The following ABLIM2 variants were observed in gnomAD, a reference collection of about 807,000 sequenced individuals.
ABLIM2 encodes the protein actin binding LIM protein family member 2, also known as actin-binding LIM protein 2.
A neutral mutation model predicts 97.7 loss-of-function variants in ABLIM2; 53 were observed. The ratio of observed to expected loss-of-function variants is 0.54; its 90% CI spans 0.44 to 0.68. The LOEUF (loss-of-function observed/expected upper bound fraction) is 0.68, where lower values mean the gene tolerates loss of function less well. ABLIM2 is among the 30% of genes least tolerant of loss of function. The pLI, the probability that ABLIM2 is intolerant of heterozygous loss-of-function variation, is 0.00. For missense variants in ABLIM2, 835 were observed against 867.2 expected (o/e 0.96, Z 0.47); for synonymous variants, 361 against 345.8 (o/e 1.04, Z -0.49).
rs1578370143 is a variant in ABLIM2, at chr4:8,003,534, G to A, written c.1618+4525C>T. On this transcript the variant is annotated intron_variant, in intron 16 of 20. Transcript: ENST00000447017. This position sits in a 1 kb window ranked among gnomAD's most constrained non-coding sequence, Gnocchi z 4.2. ...CTGGCAGCTCCCACCCACTGTCTCT[G>A]GACCACTACGCTCTTCTTCCAGTTT... Among the ~76,000 whole-genome samples the A allele has an allele frequency of 2.0e-5, 3 of 150,924 alleles. No homozygotes were observed. In the South Asian group the frequency reaches 6.4e-4, roughly 32 times the overall value.
At position 8,061,088 on chromosome 4, in the gene ABLIM2, T is replaced by G; in HGVS notation, c.676-34A>C. 1 of 1,554,214 alleles carries G rather than the reference T, an allele frequency of 6.4e-7. No homozygotes were observed. ...AAAGCACAAAGCAGAATGTTTCTAC[T>G]AAAGCCAGAAAGGTCGGCTGGGTCC... On this transcript the variant is annotated intron_variant, in intron 6 of 20. Transcript: ENST00000447017. This position sits in a 1 kb window ranked among gnomAD's most constrained non-coding sequence, Gnocchi z 4.5.
intron 6 of ABLIM2, among the ~76,000 whole-genome samples, chr4:8,070,418 G>A (rs753310927): frequency 6.6e-6 from 1 of 152,018 alleles, no homozygotes; most frequent in Non-Finnish European, 1.5e-5. Context: ...TGATAAACAG[G>A]TATTCCTTTT....
In ABLIM2 at chr4:8,132,648, T is replaced by G. The variant is rs117079583; in HGVS notation, c.11-26011A>C. 1.7e-4 allele frequency among the ~76,000 whole-genome samples: 26 copies of G among 152,276 alleles called. No individual in the cohort carries two copies. In the South Asian group the frequency reaches 3.7e-3, roughly 22 times the overall value. On this transcript the variant is annotated intron_variant, in intron 1 of 20. Coordinates refer to ENST00000447017, the MANE Select transcript of ABLIM2 (RefSeq NM_001130083.2). The surrounding 1 kb of genome is among the most constrained non-coding windows in gnomAD (Gnocchi z 8.0). The stretch of plus-strand genomic sequence containing the variant: ...TGCTCCCCAGCAATGCTGCACATCA[T>G]GAAGCACGGCCCCTACCCCGCTGTC...
rs977466671 is a variant in ABLIM2 at position 8,043,540 on chromosome 4, A to T, written c.900+1624T>A. On this transcript the variant is annotated intron_variant, in intron 9 of 20. Transcript: ENST00000447017. This position sits in a 1 kb window ranked among gnomAD's most constrained non-coding sequence, Gnocchi z 4.8. ...AGTTAAAACAAGACCGTTAGGGTGG[A>T]TCCAATCCAATCTGCCTGGTGTCCT... 5.3e-5 allele frequency among the ~76,000 whole-genome samples: 8 copies of T among 152,052 alleles called. No individual in the cohort carries two copies. Among genetic ancestry groups the T allele is most frequent in the Admixed American group, 2.6e-4 (4 of 15,264 alleles).
chr4:8,022,553 T>TC lies in ABLIM2; in HGVS notation c.1268-2251dup, dbSNP rs1774486226. 1 of 152,440 alleles carries TC rather than the reference T, an allele frequency of 6.6e-6. No individual in the cohort carries two copies. The highest frequency in any genetic ancestry group is 1.5e-5 in the Non-Finnish European group (1 of 68,224). The allele number at this position is 152,440 out of a possible 1,614,324, so 9.4% of individuals were successfully genotyped here. A position where few individuals can be genotyped will look rare whatever the true frequency, so the allele number is the denominator to read the frequency against. On this transcript the variant is annotated intron_variant, in intron 12 of 20. Transcript: ENST00000447017. This position sits in a 1 kb window ranked among gnomAD's most constrained non-coding sequence, Gnocchi z 7.8. The stretch of plus-strand genomic sequence containing the variant: ...ACCAGCCCGAGTCCTGCCACCTCGG[T>TC]CCCTCCCTCCCAGCACCCCGCCCCT...
rs754413416 is a variant in ABLIM2, at chr4:8,083,581, C to T, written c.455-2779G>A. On this transcript the variant is annotated intron_variant, in intron 4 of 20. Transcript: ENST00000447017. This position sits in a 1 kb window ranked among gnomAD's most constrained non-coding sequence, Gnocchi z 4.6. ...CCCTCATTCTCCTATCAGCAGTACA[C>T]GTGGAGATGAGAGCAAGGTGCAAAA... 6.6e-6 allele frequency among the ~76,000 whole-genome samples: 1 copy of T among 152,234 alleles called. No individual in the cohort carries two copies. The highest frequency in any genetic ancestry group is 1.5e-5 in the Non-Finnish European group (1 of 68,044).
chr4:7,987,802 G>T (rs1295645426), intron 17 of ABLIM2, among the ~76,000 whole-genome samples: 1 of 152,172 alleles, frequency 6.6e-6, no homozygotes, highest in Non-Finnish European at 1.5e-5. Context: ...TTCCGGTCTT[G>T]TAAGTGCGAA....
At chr4:7,978,959 TACTGGATTTGCAGCCTCATCTGCGCACTC>T (rs1355999146) in intron 20 of ABLIM2, among the ~76,000 whole-genome samples, 3 of 152,138 alleles carry the variant, frequency 2.0e-5, no homozygotes, top group African/African-American at 2.4e-5. Context: ...AGGCGGGCCG[TACTGGATTTGCAGCCTCATCTGCGCACTC>T]ACTGGATTCA....
rs1723397802 is a variant in ABLIM2 at position 7,967,063 on chromosome 4, A to G, written c.1865T>C (p.Met622Thr). Reference sequence around the variant, plus strand: ...CAGGCGGTCAAACTCCTCGATGCTCATCCCAAACACTTCCTGGAACTCCTC... The same window carrying G: ...CAGGCGGTCAAACTCCTCGATGCTCGTCCCAAACACTTCCTGGAACTCCTC... ...SPEEFQEVFGMSIEEFDRLAL... is the reference protein window; with the variant it reads ...SPEEFQEVFGTSIEEFDRLAL... The change falls in exon 21 of 21, where the codon ATG becomes ACG. Residue 622 changes from methionine (M) to threonine (T), a missense_variant. Physicochemically the swap from Met to Thr is moderately conservative, Grantham distance 81 (BLOSUM62 -1). Transcript: ENST00000447017. 6.2e-7 allele frequency: 1 copy of G among 1,613,732 alleles called. No individual in the cohort carries two copies. Among genetic ancestry groups the G allele is most frequent in the African/African-American group, 1.3e-5 (1 of 74,936 alleles).
Position 8,077,603 on chromosome 4 carries a change from CAGGGGCCCGGCCCGCCGCG to C in ABLIM2, c.675+6_675+24del. On this transcript the variant is annotated splice_donor_region_variant and intron_variant, in intron 6 of 20. Transcript: ENST00000447017. ...CAGTTAGGCCCTAGCTCAGAGCGGGCAGGGGCCCGGCCCGCCGCGCTTACCTCCAGCACGCGCCCCGTGA... is the reference window on the plus strand; with the variant it reads ...CAGTTAGGCCCTAGCTCAGAGCGGGCCTTACCTCCAGCACGCGCCCCGTGA... 4 of 1,581,788 alleles carry C rather than the reference CAGGGGCCCGGCCCGCCGCG, an allele frequency of 2.5e-6. No individual in the cohort carries two copies. The highest frequency in any genetic ancestry group is 3.4e-6 in the Non-Finnish European group (4 of 1,161,832).
chr4:8,042,753 C>A (rs901245033), intron 9 of ABLIM2, among the ~76,000 whole-genome samples: 1 of 149,172 alleles, frequency 6.7e-6, no homozygotes, highest in Admixed American at 6.8e-5. Flanking sequence ...GCAGGAGAAT[C>A]GCTTGAACCC....
At position 8,084,079 on chromosome 4, in the gene ABLIM2, T is replaced by G. The variant is rs1034122177; in HGVS notation, c.455-3277A>C. Among the ~76,000 whole-genome samples, 4 of 152,156 alleles carry G rather than the reference T, an allele frequency of 2.6e-5. 1 individual carries two copies. The highest frequency in any genetic ancestry group is 2.6e-4 in the Admixed American group (4 of 15,270). Reference sequence around the variant, plus strand: ...TCAGATTCTAGATCAAATCTGAGACTGAGTTTTGGAAACAAGGACTCTGAC... The same window carrying G: ...TCAGATTCTAGATCAAATCTGAGACGGAGTTTTGGAAACAAGGACTCTGAC... On this transcript the variant is annotated intron_variant, in intron 4 of 20. Transcript: ENST00000447017.
At chr4:8,118,393 T>C (rs13122226) in intron 1 of ABLIM2, among the ~76,000 whole-genome samples, 41,291 of 152,046 alleles carry the variant, frequency 0.27, 5,876 homozygotes, top group East Asian at 0.43. Flanking sequence ...CTGGAAAACT[T>C]GGGGTAGGTC....
chr4:8,145,509 C>A (rs1360902651), intron 1 of ABLIM2, among the ~76,000 whole-genome samples: 1 of 152,010 alleles, frequency 6.6e-6, no homozygotes, highest in Non-Finnish European at 1.5e-5. Context: ...TTAGACAAAT[C>A]AATCACTCCC....
At position 7,999,049 on chromosome 4, in the gene ABLIM2, G is replaced by T. The variant is rs926021621; in HGVS notation, c.1619-6122C>A. Among the ~76,000 whole-genome samples the T allele has an allele frequency of 6.6e-6, 1 of 152,164 alleles. No individual in the cohort carries two copies. Among genetic ancestry groups the T allele is most frequent in the African/African-American group, 2.4e-5 (1 of 41,442 alleles). On this transcript the variant is annotated intron_variant, in intron 16 of 20. Transcript: ENST00000447017. The surrounding 1 kb of genome is among the most constrained non-coding windows in gnomAD (Gnocchi z 4.4). ...CCCAGGGATGCTGTGCACAACCAGC[G>T]CTGAGAATCACTGGTTTATTTATTT...
At chr4:8,008,034 C>T in intron 16 of ABLIM2, 25 bp downstream of exon 16, 6 of 1,612,914 alleles carry the variant, frequency 3.7e-6, no homozygotes, top group Non-Finnish European at 5.1e-6. Flanking sequence ...CACATCACGG[C>T]TCCTTCTTCA....
At chr4:8,107,316 T>A (rs981841296) in intron 1 of ABLIM2, among the ~76,000 whole-genome samples, 1 of 152,204 alleles carries the variant, frequency 6.6e-6, no homozygotes, top group African/African-American at 2.4e-5. Context: ...CTCATCCCCA[T>A]CTTCCCAAAG....
chr4:8,098,932 A>G (rs1450132669), intron 2 of ABLIM2, among the ~76,000 whole-genome samples: 6 of 152,206 alleles, frequency 3.9e-5, no homozygotes, highest in African/African-American at 1.4e-4. Context: ...AAAACTCAGA[A>G]CGAAATCCCA....
Position 8,023,926 on chromosome 4 carries a change from A to T in ABLIM2, c.1268-3623T>A, listed in dbSNP as rs1032046000. Among the ~76,000 whole-genome samples the T allele has an allele frequency of 1.8e-4, 28 of 152,142 alleles. No individual in the cohort carries two copies. The highest frequency in any genetic ancestry group is 3.7e-4 in the Non-Finnish European group (25 of 68,014). On this transcript the variant is annotated intron_variant, in intron 12 of 20. Coordinates refer to ENST00000447017, the MANE Select transcript of ABLIM2 (RefSeq NM_001130083.2). This position sits in a 1 kb window ranked among gnomAD's most constrained non-coding sequence, Gnocchi z 5.7. ...TCCTGTGGAGCCTCCTCCAGGTGAC[A>T]CCGCAGAGAGGCCAGCTGGTGGCCA...
Sources: gnomAD v4.1 joint callset for allele counts (sites outside exome capture counted in the v4.1 genomes callset) on GRCh38, gnomAD v4.1.1 for gene constraint, Gnocchi (gnomAD v3.1) non-coding constraint, MANE v1.5 for transcripts, NCBI Gene and HGNC (gene_info 2026-07-23, HGNC 2026-07-21) for gene names.